The following RAB31 variants were observed in gnomAD, a reference collection of about 807,000 sequenced individuals.
RAB31 encodes the protein RAB31, member RAS oncogene family.
A neutral mutation model predicts 25.6 loss-of-function variants in RAB31; 21 were observed. The ratio of observed to expected loss-of-function variants is 0.82; its 90% CI spans 0.58 to 1.18. The LOEUF (loss-of-function observed/expected upper bound fraction) is 1.18. Among genes scored for constraint, RAB31 ranks in the 50% most tolerant of loss-of-function variants. The pLI, the probability that RAB31 is intolerant of heterozygous loss-of-function variation, is 0.00. For missense variants in RAB31, 196 were observed against 250.1 expected (o/e 0.78, Z 1.46); for synonymous variants, 87 against 84.0 (o/e 1.04, Z -0.20).
At chr18:9,817,978 T>C (rs2068607319) in intron 5 of RAB31, among the ~76,000 whole-genome samples, 1 of 152,212 alleles carries the variant, frequency 6.6e-6, no homozygotes, top group Non-Finnish European at 1.5e-5. Context: ...TCCCTGGTAG[T>C]ATCTTTTCTC....
At chr18:9,739,152 C>T (rs186587190) in intron 1 of RAB31, among the ~76,000 whole-genome samples, 11 of 152,252 alleles carry the variant, frequency 7.2e-5, no homozygotes, top group Admixed American at 4.6e-4. Flanking sequence ...AAATACATCT[C>T]GTAAATTTGG....
chr18:9,717,342 C>T (rs1294234394), intron 1 of RAB31, among the ~76,000 whole-genome samples: 4 of 152,082 alleles, frequency 2.6e-5, no homozygotes, highest in Non-Finnish European at 5.9e-5. Context: ...CTTCTGTTTG[C>T]ACCATATTTA....
intron 1 of RAB31, among the ~76,000 whole-genome samples, chr18:9,716,051 C>T (rs1229817542): frequency 2.0e-5 from 3 of 152,272 alleles, no homozygotes. Flanking sequence ...TCCAGTTGCC[C>T]CCAAATGTCC....
intron 1 of RAB31, among the ~76,000 whole-genome samples, chr18:9,753,855 C>T (rs2068247500): frequency 6.6e-6 from 1 of 152,140 alleles, no homozygotes; most frequent in Non-Finnish European, 1.5e-5. Flanking sequence ...CGTGTTTGTG[C>T]TCTACGAGCT....
chr18:9,721,514 G>A (rs938374897), intron 1 of RAB31, among the ~76,000 whole-genome samples: 16 of 152,100 alleles, frequency 1.1e-4, no homozygotes, highest in Non-Finnish European at 2.9e-5. Flanking sequence ...TACTCAGGAG[G>A]CTGAGGCAGG....
rs368009713 is a variant in RAB31, at chr18:9,770,848, T to C, written c.40-4430T>C. ...TAAAGTACTTGTGAGTTCTAGAAATTTGACTTTTTTTTTTTTTTTTTTTGA... is the reference window on the plus strand; with the variant it reads ...TAAAGTACTTGTGAGTTCTAGAAATCTGACTTTTTTTTTTTTTTTTTTTGA... On this transcript the variant is annotated intron_variant, in intron 1 of 6. Coordinates refer to ENST00000578921, the MANE Select transcript of RAB31 (RefSeq NM_006868.4). Among the ~76,000 whole-genome samples the C allele has an allele frequency of 7.4e-4, 109 of 147,740 alleles. 2 individuals are homozygous for C. The South Asian group carries it at 0.019, about 26-fold the overall frequency.
At chr18:9,838,104 T>C (rs1235206666) in intron 5 of RAB31, among the ~76,000 whole-genome samples, 3 of 152,208 alleles carry the variant, frequency 2.0e-5, no homozygotes, top group Non-Finnish European at 2.9e-5. Context: ...TTCTGAGCAC[T>C]TTATAATATC....
At chr18:9,831,678 G>T (rs34797558) in intron 5 of RAB31, among the ~76,000 whole-genome samples, 32,063 of 152,264 alleles carry the variant, frequency 0.21, 3,812 homozygotes, top group Non-Finnish European at 0.27. Context: ...GTAGGGCCAG[G>T]TGGAGCCTGG....
rs2068845694 is a variant in RAB31, at chr18:9,861,178, C to T, written c.*1853C>T. The T allele has an allele frequency of 6.6e-6, 1 of 151,556 alleles. No individual in the cohort carries two copies. The highest frequency in any genetic ancestry group is 2.4e-5 in the African/African-American group (1 of 41,196). The allele number at this position is 151,556 out of a possible 1,614,324, so 9.4% of individuals were successfully genotyped here. ...GCTGAGTTGCAGGCTTATTTTGTAA[C>T]CTTTCCTCATCCAGTTTTCCCTGAG... On this transcript the variant is annotated 3_prime_UTR_variant, in exon 7 of 7. Coordinates refer to ENST00000578921, the MANE Select transcript of RAB31 (RefSeq NM_006868.4).
intron 6 of RAB31, among the ~76,000 whole-genome samples, chr18:9,847,526 A>G (rs1440465350): frequency 6.6e-6 from 1 of 152,212 alleles, no homozygotes; most frequent in Non-Finnish European, 1.5e-5. Flanking sequence ...AAAATATCAA[A>G]TAAGGACCTG....
chr18:9,800,277 G>C lies in RAB31; in HGVS notation c.201+8042G>C, dbSNP rs147442064. On this transcript the variant is annotated intron_variant, in intron 3 of 6. Coordinates refer to ENST00000578921, the MANE Select transcript of RAB31 (RefSeq NM_006868.4). The stretch of plus-strand genomic sequence containing the variant: ...GGGTTCTCTTGCTCTATATACCATG[G>C]AGGACCAACTTCTTCCAACCTGAAA... Among the ~76,000 whole-genome samples the C allele has an allele frequency of 3.4e-3, 517 of 152,230 alleles. 4 individuals carry two copies. The highest frequency in any genetic ancestry group is 0.012 in the African/African-American group (504 of 41,524).
At chr18:9,812,687 CTATTT>C (rs1555689945) in intron 3 of RAB31, among the ~76,000 whole-genome samples, 1 of 100,888 alleles carries the variant, frequency 9.9e-6, no homozygotes, top group Non-Finnish European at 1.9e-5. Context: ...CTCCAGGATA[CTATTT>C]TTTTTTTTTT....
chr18:9,845,598 G>A lies in RAB31; in HGVS notation c.397G>A (p.Asp133Asn), dbSNP rs200376727. The change falls in exon 6 of 7, where the codon GAT becomes AAT. Residue 133 changes from aspartate to asparagine, a missense_variant. Transcript: ENST00000578921. ...CTTTTCCAGGGAGGTTCCCCTGAAGGATGCTAAGGAATACGCTGAATCCAT... is the reference window on the plus strand; with the variant it reads ...CTTTTCCAGGGAGGTTCCCCTGAAGAATGCTAAGGAATACGCTGAATCCAT... ...LSDIREVPLK[D>N]AKEYAESIGA... is the part of the protein sequence containing the mutation. 6.5e-7 allele frequency: 1 copy of A among 1,549,180 alleles called. No homozygotes were observed. The highest frequency in any genetic ancestry group is 2.1e-5 in the Admixed American group (1 of 47,754).
At chr18:9,729,043 T>C (rs2068109152) in intron 1 of RAB31, among the ~76,000 whole-genome samples, 1 of 152,206 alleles carries the variant, frequency 6.6e-6, no homozygotes, top group Non-Finnish European at 1.5e-5. Context: ...GTAATCTTTG[T>C]ATATTAAGAA....
chr18:9,819,556 A>G (rs1267772509), intron 5 of RAB31, among the ~76,000 whole-genome samples: 3 of 152,146 alleles, frequency 2.0e-5, no homozygotes, highest in African/African-American at 7.2e-5. Flanking sequence ...TGGACCCTTA[A>G]CATTTTCATA....
intron 1 of RAB31, among the ~76,000 whole-genome samples, chr18:9,729,456 G>A (rs769405699): frequency 7.9e-5 from 12 of 152,034 alleles, no homozygotes; most frequent in African/African-American, 1.2e-4. Context: ...AAACCAGGGA[G>A]GGGGAGCTTG....
At chr18:9,774,685 G>A (rs1447613809) in intron 1 of RAB31, among the ~76,000 whole-genome samples, 4 of 152,190 alleles carry the variant, frequency 2.6e-5, no homozygotes, top group African/African-American at 9.7e-5. Flanking sequence ...TTTCCAGTGT[G>A]TAATTGGACC....
chr18:9,857,645 A>ATAGT (rs1329416342), intron 6 of RAB31, among the ~76,000 whole-genome samples: 4 of 98,272 alleles, frequency 4.1e-5, no homozygotes, highest in Non-Finnish European at 9.6e-5. Flanking sequence ...AATAATATAG[A>ATAGT]TAGATAGATA....
chr18:9,812,598 T>C (rs1210212718), intron 3 of RAB31, among the ~76,000 whole-genome samples: 2 of 152,148 alleles, frequency 1.3e-5, no homozygotes, highest in Non-Finnish European at 2.9e-5. Flanking sequence ...AATGTATATG[T>C]CTTCTGTGAT....
Sources: allele counts gnomAD v4.1 joint callset (sites outside exome capture counted in the v4.1 genomes callset), GRCh38; gene constraint gnomAD v4.1.1; transcripts MANE v1.5; gene names NCBI Gene and HGNC (gene_info 2026-07-23, HGNC 2026-07-21).